The following LRRC4C variants were observed in gnomAD, a reference collection of about 807,000 sequenced individuals.
LRRC4C encodes leucine rich repeat containing 4C, also known as leucine-rich repeat-containing protein 4C.
Under a neutral mutation model 33.6 loss-of-function variants are expected in LRRC4C, and 5 were observed. The ratio of observed to expected loss-of-function variants is 0.15; its 90% confidence interval spans 0.08 to 0.31. LRRC4C has a LOEUF of 0.31. LRRC4C is among the 10% of genes least tolerant of loss of function. The pLI is 1.00. For synonymous variants in LRRC4C, 329 were observed against 302.0 expected (o/e 1.09, Z -0.93); for missense variants, 560 against 796.7 (o/e 0.70, Z 3.58).
intron 3 of LRRC4C, among the ~76,000 whole-genome samples, chr11:40,387,850 A>T (rs1949172200): frequency 6.6e-6 from 1 of 152,148 alleles, no homozygotes; most frequent in Non-Finnish European, 1.5e-5. Flanking sequence ...AGTTGGACTG[A>T]CTTGCTGTTG....
chr11:40,219,458 C>A (rs140987137), intron 5 of LRRC4C, among the ~76,000 whole-genome samples: 1 of 152,130 alleles, frequency 6.6e-6, no homozygotes, highest in African/African-American at 2.4e-5. Context: ...GCTGCTTTAT[C>A]CCGAGTACTT....
intron 5 of LRRC4C, among the ~76,000 whole-genome samples, chr11:40,142,077 G>A (rs1277146596): frequency 1.3e-5 from 2 of 152,030 alleles, no homozygotes; most frequent in Non-Finnish European, 2.9e-5. Context: ...GATGTCAGGA[G>A]TTCAAGACCA....
intron 2 of LRRC4C, among the ~76,000 whole-genome samples, chr11:40,758,334 C>A (rs182722006): frequency 1.2e-4 from 18 of 152,066 alleles, no homozygotes; most frequent in Admixed American, 2.6e-4. Flanking sequence ...ATTAACTGCT[C>A]AAGGGATGAC....
At chr11:40,146,864 G>A (rs1857775113) in intron 5 of LRRC4C, among the ~76,000 whole-genome samples, 1 of 152,122 alleles carries the variant, frequency 6.6e-6, no homozygotes, top group South Asian at 2.1e-4. Context: ...GATACTGTGG[G>A]AACTCTGTGT....
At chr11:40,295,065 T>C (rs1944442532) in intron 4 of LRRC4C, among the ~76,000 whole-genome samples, 1 of 152,156 alleles carries the variant, frequency 6.6e-6, no homozygotes, top group Non-Finnish European at 1.5e-5. Context: ...CAACATCCCC[T>C]GCTCCAGGAT....
chr11:40,164,534 G>A (rs1342914211), intron 5 of LRRC4C, among the ~76,000 whole-genome samples: 1 of 152,134 alleles, frequency 6.6e-6, no homozygotes, highest in Non-Finnish European at 1.5e-5. Context: ...ACCGTGCCCA[G>A]CCAAATCCTG....
intron 2 of LRRC4C, among the ~76,000 whole-genome samples, chr11:40,653,962 C>T (rs190778016): frequency 8.5e-5 from 13 of 152,306 alleles, no homozygotes; most frequent in East Asian, 5.8e-4. Context: ...CAGCTCAGGC[C>T]ATTGCTTCAA....
chr11:41,202,889 G>A (rs138394474), intron 1 of LRRC4C, among the ~76,000 whole-genome samples: 4 of 151,762 alleles, frequency 2.6e-5, no homozygotes, highest in Non-Finnish European at 5.9e-5. Context: ...GGGTCCAAGC[G>A]ATTCTCCTGC....
At chr11:40,661,670 T>C (rs1241130685) in intron 2 of LRRC4C, among the ~76,000 whole-genome samples, 1 of 152,188 alleles carries the variant, frequency 6.6e-6, no homozygotes, top group African/African-American at 2.4e-5. Context: ...CTATAGAAAG[T>C]AGTAAGCATT....
intron 1 of LRRC4C, among the ~76,000 whole-genome samples, chr11:41,324,202 G>A (rs1000923198): frequency 3.3e-5 from 5 of 152,072 alleles, no homozygotes; most frequent in African/African-American, 7.2e-5. Context: ...AGGCTGACGC[G>A]GGAGGATCAC....
chr11:40,485,364 T>G (rs1294821512), intron 3 of LRRC4C, among the ~76,000 whole-genome samples: 6 of 151,384 alleles, frequency 4.0e-5, no homozygotes, highest in Admixed American at 3.3e-4. Flanking sequence ...ACATGCGCGC[T>G]CTCTCTCTCT....
At chr11:41,231,502 A>C (rs1411340238) in intron 1 of LRRC4C, among the ~76,000 whole-genome samples, 4 of 151,442 alleles carry the variant, frequency 2.6e-5, no homozygotes, top group Non-Finnish European at 4.4e-5. Context: ...CATTCTCAGC[A>C]AACTATCGCA....
At chr11:40,135,692 G>T (rs1310199902) in intron 6 of LRRC4C, among the ~76,000 whole-genome samples, 2 of 152,050 alleles carry the variant, frequency 1.3e-5, no homozygotes, top group East Asian at 3.9e-4. Flanking sequence ...TTCTTGAAAG[G>T]ATGCATTTTT....
chr11:41,399,487 C>T (rs1344753096), intron 1 of LRRC4C, among the ~76,000 whole-genome samples: 1 of 151,906 alleles, frequency 6.6e-6, no homozygotes, highest in Non-Finnish European at 1.5e-5. Flanking sequence ...GAATGACAGG[C>T]TTTCCTTCAC....
chr11:41,012,316 G>A lies in LRRC4C; in HGVS notation c.-495-78593C>T, dbSNP rs528365993. On this transcript the variant is annotated intron_variant, in intron 1 of 6. Coordinates refer to ENST00000528697, the MANE Select transcript of LRRC4C (RefSeq NM_001258419.2). ...ATATACTTTTTTAGTTGGCACATAA[G>A]AGTGAGAATATGTTATATTTGTTAT... Among the ~76,000 whole-genome samples the A allele has an allele frequency of 3.3e-5, 5 of 152,208 alleles. No homozygotes were observed. The South Asian group carries it at 6.2e-4, about 19-fold the overall frequency.
At chr11:41,228,643 A>AT (rs751237587) in intron 1 of LRRC4C, among the ~76,000 whole-genome samples, 12 of 152,082 alleles carry the variant, frequency 7.9e-5, no homozygotes, top group Non-Finnish European at 1.8e-4. Context: ...CTGAAGATTG[A>AT]TATCTTTTTT....
intron 1 of LRRC4C, among the ~76,000 whole-genome samples, chr11:41,298,291 T>C (rs1950195876): frequency 6.6e-6 from 1 of 152,112 alleles, no homozygotes; most frequent in African/African-American, 2.4e-5. Context: ...AGAAGGTCTC[T>C]CTCCTAGCAA....
At chr11:40,755,352 A>T (rs2137023179) in intron 2 of LRRC4C, among the ~76,000 whole-genome samples, 1 of 152,232 alleles carries the variant, frequency 6.6e-6, no homozygotes, top group East Asian at 1.9e-4. Flanking sequence ...TTTACAGATA[A>T]TAAAAGTAAG....
chr11:40,600,485 G>T (rs1009416885), intron 3 of LRRC4C, among the ~76,000 whole-genome samples: 4 of 152,148 alleles, frequency 2.6e-5, no homozygotes, highest in Non-Finnish European at 5.9e-5. Flanking sequence ...TGGCATTTTG[G>T]AAAGGAATTA....
Sources: gnomAD v4.1 joint callset for allele counts (sites outside exome capture counted in the v4.1 genomes callset) on GRCh38, gnomAD v4.1.1 for gene constraint, MANE v1.5 for transcripts, NCBI Gene and HGNC (gene_info 2026-07-23, HGNC 2026-07-21) for gene names.